KYNU: variants seen among roughly 807,000 people sequenced by gnomAD.
KYNU encodes the protein kynureninase.
In KYNU, 54 loss-of-function variants were observed where a neutral mutation model predicts 59.2. The ratio of observed to expected loss-of-function variants is 0.91; its 90% CI spans 0.73 to 1.14. KYNU has a LOEUF of 1.14. Ranked by LOEUF, KYNU falls within the 50% of genes most tolerant of loss-of-function variation. The pLI, the probability that KYNU is intolerant of heterozygous loss-of-function variation, is 0.00. For synonymous variants in KYNU, 177 were observed against 192.0 expected, an observed-to-expected ratio of 0.92 and a Z score of 0.65; for missense variants, 567 against 554.4, an observed-to-expected ratio of 1.02 and a Z score of -0.23.
chr2:143,049,601 C>T lies in KYNU; in HGVS notation c.*7429C>T, dbSNP rs770441015. 2 of 152,168 alleles carry T rather than the reference C, an allele frequency of 1.3e-5. No individual in the cohort carries two copies. Among genetic ancestry groups the T allele is most frequent in the Non-Finnish European group, 1.5e-5 (1 of 68,070 alleles). The allele number at this position is 152,168 out of a possible 1,614,324, so 9.4% of individuals were successfully genotyped here. ...TCCCTTGCCCAGCTCTTTTGGTGAT[C>T]CCCTTCACTTCCTCTGTTACAGGTT... is the stretch of plus-strand genomic sequence containing the variant. On this transcript the variant is annotated 3_prime_UTR_variant, in exon 14 of 14. Transcript: ENST00000264170.
Position 142,960,640 on chromosome 2 carries a change from G to A in KYNU, c.599G>A (p.Arg200Lys). Residue 200 changes from arginine to lysine, a missense_variant, in exon 8 of 14, where the codon AGA becomes AAA. Transcript: ENST00000264170. ...IKPREGEETLRIEDILEVIEK... is the reference protein window; with the variant it reads ...IKPREGEETLKIEDILEVIEK... ...TTGATTTAGGGGGAAGAAACCTTAAGAATAGAGGATATCCTTGAAGTAATT... is the reference window on the plus strand; with the variant it reads ...TTGATTTAGGGGGAAGAAACCTTAAAAATAGAGGATATCCTTGAAGTAATT... 1 of 1,613,750 alleles carries A rather than the reference G, an allele frequency of 6.2e-7. No individual in the cohort carries two copies. The highest frequency in any genetic ancestry group is 1.1e-5 in the South Asian group (1 of 91,072).
At chr2:142,962,396 A>G (rs1684383713) in intron 8 of KYNU, among the ~76,000 whole-genome samples, 1 of 152,194 alleles carries the variant, frequency 6.6e-6, no homozygotes, top group African/African-American at 2.4e-5. Flanking sequence ...TAAAACACCA[A>G]ATGGATTGGC....
chr2:142,974,489 G>A (rs1434003304), intron 8 of KYNU, among the ~76,000 whole-genome samples: 1 of 152,060 alleles, frequency 6.6e-6, no homozygotes, highest in Non-Finnish European at 1.5e-5. Flanking sequence ...GTAAATTGAG[G>A]TCCCAGTTTT....
intron 3 of KYNU, among the ~76,000 whole-genome samples, chr2:142,922,584 G>C (rs1300309055): frequency 6.6e-6 from 1 of 152,166 alleles, no homozygotes; most frequent in Non-Finnish European, 1.5e-5. Flanking sequence ...GCATATAGAT[G>C]TCAAATCTCT....
At chr2:143,028,148 T>A (rs923638887) in intron 10 of KYNU, among the ~76,000 whole-genome samples, 1 of 151,922 alleles carries the variant, frequency 6.6e-6, no homozygotes, top group South Asian at 2.1e-4. Flanking sequence ...TATTTTTCTC[T>A]AAATTGTTTT....
intron 4 of KYNU, among the ~76,000 whole-genome samples, chr2:142,952,656 C>T (rs1201990353): frequency 6.6e-6 from 1 of 152,134 alleles, no homozygotes; most frequent in Non-Finnish European, 1.5e-5. Flanking sequence ...CCAGGCCCAT[C>T]TTGAACACTT....
Position 142,984,295 on chromosome 2 carries a change from T to C in KYNU, c.730-789T>C, listed in dbSNP as rs1033803843. Among the ~76,000 whole-genome samples the C allele has an allele frequency of 2.6e-5, 4 of 152,060 alleles. 1 individual carries two copies. Among genetic ancestry groups the C allele is most frequent in the Admixed American group, 6.6e-5 (1 of 15,250 alleles). Reference sequence around the variant, plus strand: ...TGTATTACTACTATATTCATCAGAATTATCTCAATAATGGGAGCTAGTCAT... The same window carrying C: ...TGTATTACTACTATATTCATCAGAACTATCTCAATAATGGGAGCTAGTCAT... On this transcript the variant is annotated intron_variant, in intron 8 of 13. Coordinates refer to ENST00000264170, the MANE Select transcript of KYNU (RefSeq NM_003937.3).
chr2:142,960,898 A>AAG, intron 8 of KYNU, 128 bp downstream of exon 8: 1 of 1,143,504 alleles, frequency 8.7e-7, no homozygotes, highest in South Asian at 1.3e-5. Flanking sequence ...GTTAAAAAAA[A>AAG]AAAGAGTAAA....
chr2:142,971,684 C>T (rs1012290272), intron 8 of KYNU, among the ~76,000 whole-genome samples: 1 of 152,176 alleles, frequency 6.6e-6, no homozygotes, highest in African/African-American at 2.4e-5. Context: ...AGTCTTTCAT[C>T]ATTAAATACA....
At position 143,050,618 on chromosome 2, in the gene KYNU, A is replaced by T. The variant is rs1016699082; in HGVS notation, c.*8446A>T. 1.3e-5 allele frequency: 2 copies of T among 152,150 alleles called. No individual in the cohort carries two copies. The highest frequency in any genetic ancestry group is 2.4e-5 in the African/African-American group (1 of 41,442). 9.4% of individuals were successfully genotyped at this position (152,150 alleles called of 1,614,324 possible). A position where few individuals can be genotyped will look rare whatever the true frequency, so the allele number is the denominator to read the frequency against. ...TTACAATATATAGGGCTGTTTTTTT[A>T]AAACTAATTATATTTATTTCATGTT... On this transcript the variant is annotated 3_prime_UTR_variant, in exon 14 of 14. Coordinates refer to ENST00000264170, the MANE Select transcript of KYNU (RefSeq NM_003937.3).
At position 142,957,733 on chromosome 2, in the gene KYNU, A is replaced by G. The variant is rs200283518; in HGVS notation, c.582+18A>G. ...CAAGAGAGGTATATGAGAAAGAAAG[A>G]AATATTTGTCATGCTTTGTTTAGTA... On this transcript the variant is annotated intron_variant, in intron 7 of 13. Coordinates refer to ENST00000264170, the MANE Select transcript of KYNU (RefSeq NM_003937.3). 629 of 1,457,226 alleles carry G rather than the reference A, an allele frequency of 4.3e-4. 4 individuals are homozygous for G. In the African/African-American group the frequency reaches 7.7e-3, roughly 18 times the overall value. 90.3% of individuals were successfully genotyped at this position (1,457,226 alleles called of 1,614,324 possible). A position where few individuals can be genotyped will look rare whatever the true frequency, so the allele number is the denominator to read the frequency against.
At chr2:142,947,404 A>G in intron 4 of KYNU, 1 of 622,366 alleles carries the variant, frequency 1.6e-6, no homozygotes, top group Non-Finnish European at 2.7e-6. Flanking sequence ...ACATCGGAAT[A>G]AAAGCTAATG....
chr2:143,006,207 C>T (rs1480475231), intron 10 of KYNU, among the ~76,000 whole-genome samples: 6 of 152,040 alleles, frequency 3.9e-5, no homozygotes, highest in East Asian at 2.0e-4. Context: ...ACGCACCGTG[C>T]GCGAGCCGAA....
At chr2:142,912,545 A>G (rs1297371644) in intron 2 of KYNU, among the ~76,000 whole-genome samples, 1 of 149,640 alleles carries the variant, frequency 6.7e-6, no homozygotes, top group Non-Finnish European at 1.5e-5. Flanking sequence ...GCACCCAGCT[A>G]ATTTTGTATT....
intron 1 of KYNU, among the ~76,000 whole-genome samples, chr2:142,885,013 C>T (rs1169332430): frequency 1.6e-5 from 2 of 126,102 alleles, no homozygotes; most frequent in Admixed American, 1.7e-4. Flanking sequence ...CCGAGGTGGG[C>T]GGATCACTTG....
Position 143,033,302 on chromosome 2 carries a change from C to T in KYNU, c.1022C>T (p.Ser341Phe), listed in dbSNP as rs1443311315. Residue 341 changes from serine to phenylalanine, a missense_variant, in exon 12 of 14, where the codon TCC becomes TTC. By Grantham distance (155) the Ser-to-Phe change is radical. Coordinates refer to ENST00000264170, the MANE Select transcript of KYNU (RefSeq NM_003937.3). ...ISNPPILLVCSLHASLEIFKQ... is the reference protein window; with the variant it reads ...ISNPPILLVCFLHASLEIFKQ... ...AATCCTCCCATTTTGTTGGTCTGTT[C>T]CTTGCATGCTAGTTTAGAGGTAAGT... 1.9e-6 allele frequency: 3 copies of T among 1,613,294 alleles called. No individual in the cohort carries two copies. Among genetic ancestry groups the T allele is most frequent in the Non-Finnish European group, 2.5e-6 (3 of 1,179,216 alleles).
intron 2 of KYNU, among the ~76,000 whole-genome samples, chr2:142,911,876 C>T (rs1682490283): frequency 1.3e-5 from 2 of 152,142 alleles, no homozygotes; most frequent in African/African-American, 4.8e-5. Flanking sequence ...TGAATCAATT[C>T]TGCATCCCAG....
chr2:143,012,203 C>T (rs898336531), intron 10 of KYNU, among the ~76,000 whole-genome samples: 1 of 152,070 alleles, frequency 6.6e-6, no homozygotes, highest in East Asian at 1.9e-4. Flanking sequence ...GGCTCTGGAC[C>T]AGGCACGATG....
chr2:142,949,422 C>A (rs1683911110), intron 4 of KYNU, among the ~76,000 whole-genome samples: 1 of 152,248 alleles, frequency 6.6e-6, no homozygotes, highest in Non-Finnish European at 1.5e-5. Context: ...CAGCAAACTT[C>A]TGCCTGGACA....
Sources: allele counts gnomAD v4.1 joint callset (sites outside exome capture counted in the v4.1 genomes callset), GRCh38; gene constraint gnomAD v4.1.1; transcripts MANE v1.5; gene names NCBI Gene and HGNC (gene_info 2026-07-23, HGNC 2026-07-21).